Variants in PTPRM observed in about 807,000 individuals in gnomAD.
PTPRM encodes receptor-type tyrosine-protein phosphatase mu.
Under a neutral mutation model 186.7 loss-of-function variants are expected in PTPRM, and 47 were observed. The ratio of observed to expected loss-of-function variants is 0.25; its 90% CI spans 0.20 to 0.32. PTPRM has a LOEUF of 0.32. Among genes scored for constraint, PTPRM ranks in the 10% least tolerant of loss-of-function variants. The pLI is 1.00. For synonymous variants in PTPRM, 668 were observed against 674.9 expected (o/e 0.99, Z 0.16); for missense variants, 1,494 against 1,865.0 (o/e 0.80, Z 3.66).
At chr18:8,335,061 C>A (rs957998913) in intron 22 of PTPRM, among the ~76,000 whole-genome samples, 4 of 152,180 alleles carry the variant, frequency 2.6e-5, no homozygotes, top group Admixed American at 2.6e-4. Flanking sequence ...ATTCTAAAAC[C>A]GGAACTTTCC....
chr18:7,810,316 A>C, intron 2 of PTPRM, among the ~76,000 whole-genome samples: 1 of 152,222 alleles, frequency 6.6e-6, no homozygotes, highest in East Asian at 1.9e-4. Context: ...TTAATCTGGT[A>C]GTTGGTTTCT....
intron 1 of PTPRM, among the ~76,000 whole-genome samples, chr18:7,701,933 A>G (rs1267995972): frequency 1.3e-5 from 2 of 151,780 alleles, no homozygotes; most frequent in Non-Finnish European, 2.9e-5. Flanking sequence ...ACTCCCGTTT[A>G]TGAGAACATG....
chr18:7,593,669 G>A (rs1315786900), intron 1 of PTPRM, among the ~76,000 whole-genome samples: 6 of 152,102 alleles, frequency 3.9e-5, no homozygotes, highest in Non-Finnish European at 7.3e-5. Context: ...AATCACTTAC[G>A]TCCACTTTCT....
intron 7 of PTPRM, among the ~76,000 whole-genome samples, chr18:7,995,177 TAAC>T (rs1447141067): frequency 6.6e-6 from 1 of 151,934 alleles, no homozygotes; most frequent in Admixed American, 6.6e-5. Flanking sequence ...TAGGAACAAC[TAAC>T]AACAACAGAT....
intron 1 of PTPRM, among the ~76,000 whole-genome samples, chr18:7,753,731 T>G (rs1215484166): frequency 1.3e-5 from 2 of 152,238 alleles, no homozygotes; most frequent in Non-Finnish European, 2.9e-5. Context: ...ATGCTTAAAT[T>G]TACTGTTCTT....
intron 3 of PTPRM, among the ~76,000 whole-genome samples, chr18:7,899,290 C>G (rs2049533919): frequency 6.6e-6 from 1 of 152,216 alleles, no homozygotes; most frequent in East Asian, 1.9e-4. Flanking sequence ...CTGACTTCAG[C>G]TAGGAACATG....
chr18:7,592,652 G>A (rs1050054007), intron 1 of PTPRM, among the ~76,000 whole-genome samples: 1 of 152,218 alleles, frequency 6.6e-6, no homozygotes, highest in Non-Finnish European at 1.5e-5. Context: ...GCTATTATGA[G>A]GTCCATGTAA....
intron 23 of PTPRM, among the ~76,000 whole-genome samples, chr18:8,347,413 T>A (rs187928464): frequency 6.6e-6 from 1 of 152,314 alleles, no homozygotes; most frequent in East Asian, 1.9e-4. Context: ...GACAGCATAG[T>A]CTTTGGTTGA....
intron 7 of PTPRM, among the ~76,000 whole-genome samples, chr18:8,037,255 A>G (rs2086392585): frequency 6.6e-6 from 1 of 152,216 alleles, no homozygotes; most frequent in African/African-American, 2.4e-5. Context: ...AGTTACAATT[A>G]GCACATCTTT....
chr18:8,114,729 T>C (rs2091890608), intron 12 of PTPRM, 62 bp from the exon 13 acceptor site: 2 of 1,326,914 alleles, frequency 1.5e-6, no homozygotes, highest in Non-Finnish European at 2.1e-6. Flanking sequence ...GAATTACAGA[T>C]ATTTCTATTT....
At chr18:8,378,103 T>G in intron 26 of PTPRM, 162 bp from the exon 27 acceptor site, 6 of 647,590 alleles carry the variant, frequency 9.3e-6, no homozygotes, top group Middle Eastern at 4.0e-4. Flanking sequence ...TGTGTAATAT[T>G]TGGCATTGCA....
intron 2 of PTPRM, among the ~76,000 whole-genome samples, chr18:7,825,672 C>T (rs1460633324): frequency 6.6e-6 from 1 of 152,082 alleles, no homozygotes; most frequent in East Asian, 1.9e-4. Flanking sequence ...ACATACAAGC[C>T]CCGAGGCTCC....
At chr18:8,241,564 G>A (rs1041691125) in intron 14 of PTPRM, among the ~76,000 whole-genome samples, 2 of 152,046 alleles carry the variant, frequency 1.3e-5, no homozygotes, top group African/African-American at 2.4e-5. Context: ...ATATAAAGTC[G>A]GGTCTAGTTT....
intron 10 of PTPRM, among the ~76,000 whole-genome samples, chr18:8,086,220 C>G (rs563053095): frequency 3.3e-5 from 5 of 152,082 alleles, no homozygotes; most frequent in South Asian, 2.1e-4. Flanking sequence ...CATGAACCAT[C>G]GGGAGCTCTG....
Position 8,343,503 on chromosome 18 carries a change from C to A in PTPRM, c.3037C>A (p.Leu1013Ile), listed in dbSNP as rs1489889035. The A allele has an allele frequency of 6.2e-7, 1 of 1,613,958 alleles. No homozygotes were observed. Among genetic ancestry groups the A allele is most frequent in the Non-Finnish European group, 8.5e-7 (1 of 1,179,918 alleles). The stretch of plus-strand genomic sequence containing the variant: ...TGCAAGTATCATCATGGTGACCAAT[C>A]TTGTGGAAGTGGGAAGGGTGAGTGG... ...NTASIIMVTN[L>I]VEVGRVKCCK... The change falls in exon 23 of 33, where the codon CTT becomes ATT. Residue 1013 changes from leucine to isoleucine, a missense_variant. Coordinates refer to ENST00000580170, the MANE Select transcript of PTPRM (RefSeq NM_001105244.2).
rs142937487 is a variant in PTPRM at position 8,075,902 on chromosome 18, C to T, written c.1442-553C>T. Among the ~76,000 whole-genome samples, 1,146 of 152,160 alleles carry T rather than the reference C, an allele frequency of 7.5e-3. 7 individuals are homozygous for T. The highest frequency in any genetic ancestry group is 0.029 in the South Asian group (142 of 4,824). On this transcript the variant is annotated intron_variant, in intron 8 of 32. Coordinates refer to ENST00000580170, the MANE Select transcript of PTPRM (RefSeq NM_001105244.2). ...AACTGTTACTTACTTTCAATCTTTT[C>T]AGTATTTTATAACATAACTTACTAA...
At chr18:8,205,295 C>CA (rs967650043) in intron 14 of PTPRM, among the ~76,000 whole-genome samples, 15 of 151,110 alleles carry the variant, frequency 9.9e-5, no homozygotes, top group African/African-American at 1.7e-4. Context: ...CAATTCAATA[C>CA]AAAAAAAAAC....
At chr18:7,949,445 C>G in intron 6 of PTPRM, 90 bp downstream of exon 6, 1 of 1,122,250 alleles carries the variant, frequency 8.9e-7, no homozygotes, top group South Asian at 2.2e-5. Flanking sequence ...CTCAAACTTA[C>G]CCTTGTCTGT....
At chr18:8,018,532 A>G (rs1282626833) in intron 7 of PTPRM, among the ~76,000 whole-genome samples, 1 of 152,182 alleles carries the variant, frequency 6.6e-6, no homozygotes, top group South Asian at 2.1e-4. Flanking sequence ...TATTTTTAAG[A>G]ATTCTTTAAG....
Sources: gnomAD v4.1 joint callset for allele counts (sites outside exome capture counted in the v4.1 genomes callset) on GRCh38, gnomAD v4.1.1 for gene constraint, MANE v1.5 for transcripts, NCBI Gene and HGNC (gene_info 2026-07-23, HGNC 2026-07-21) for gene names.